Variants in PNKD observed in about 807,000 individuals in gnomAD.
PNKD encodes the protein probable thioesterase PNKD.
In PNKD, 36 loss-of-function variants were observed where a neutral mutation model predicts 45.3. The ratio of observed to expected loss-of-function variants is 0.80; its 90% CI spans 0.61 to 1.05. The LOEUF is 1.05. Ranked by LOEUF, PNKD falls within the 50% of genes least tolerant of loss-of-function variation. The pLI is 0.00. For missense variants in PNKD, 511 were observed against 506.6 expected (o/e 1.01, Z -0.08); for synonymous variants, 197 against 210.1 (o/e 0.94, Z 0.54).
chr2:218,272,282 C>G (rs774474743), intron 2 of PNKD, among the ~76,000 whole-genome samples: 8 of 152,196 alleles, frequency 5.3e-5, no homozygotes, highest in Non-Finnish European at 1.0e-4. Flanking sequence ...TGCTGAGGAT[C>G]AGGCTCTAGG....
At chr2:218,310,211 T>A (rs1693560542) in intron 2 of PNKD, among the ~76,000 whole-genome samples, 1 of 152,010 alleles carries the variant, frequency 6.6e-6, no homozygotes, top group Non-Finnish European at 1.5e-5. Flanking sequence ...CATGACAATG[T>A]TTTTTGTTTT....
intron 2 of PNKD, among the ~76,000 whole-genome samples, chr2:218,328,773 C>T (rs1266635753): frequency 6.6e-6 from 1 of 152,184 alleles, no homozygotes; most frequent in Non-Finnish European, 1.5e-5. Flanking sequence ...TGAAGCCTGC[C>T]CGGCCTCCTC....
Position 218,275,704 on chromosome 2 carries a change from G to A in PNKD, c.236+4155G>A, listed in dbSNP as rs1574623527. The stretch of plus-strand genomic sequence containing the variant: ...TTTGGTCAGCAGATTTGTCTTGGGG[G>A]CCTATGCGCCACACAGTGCTTAGGG... On this transcript the variant is annotated intron_variant, in intron 2 of 9. Coordinates refer to ENST00000273077, the MANE Select transcript of PNKD (RefSeq NM_015488.5). 12 of 1,509,174 alleles carry A rather than the reference G, an allele frequency of 8.0e-6. No homozygotes were observed. In the East Asian group the frequency reaches 2.7e-4, roughly 34 times the overall value. The allele number at this position is 1,509,174 out of a possible 1,614,324, so 93.5% of individuals were successfully genotyped here.
At chr2:218,315,971 G>T (rs1315194347) in intron 2 of PNKD, among the ~76,000 whole-genome samples, 1 of 152,240 alleles carries the variant, frequency 6.6e-6, no homozygotes, top group African/African-American at 2.4e-5. Flanking sequence ...CTTGGGCTCT[G>T]CTGGGCTGGG....
intron 2 of PNKD, chr2:218,272,816 A>G: frequency 6.2e-7 from 1 of 1,612,360 alleles, no homozygotes. Flanking sequence ...GGTTTGGCCC[A>G]GATTCCAGTT....
At position 218,340,507 on chromosome 2, in the gene PNKD, C is replaced by T. The variant is rs1420514958; in HGVS notation, c.466-221C>T. On this transcript the variant is annotated intron_variant, in intron 4 of 9. Coordinates refer to ENST00000273077, the MANE Select transcript of PNKD (RefSeq NM_015488.5). This position sits in a 1 kb window ranked among gnomAD's most constrained non-coding sequence, Gnocchi z 4.2. ...TCTGTCTTTCCCTCCCATTCCTTATCTCTCTGTGTCTGCCTCTCTCTATGT... is the reference window on the plus strand; with the variant it reads ...TCTGTCTTTCCCTCCCATTCCTTATTTCTCTGTGTCTGCCTCTCTCTATGT... Among the ~76,000 whole-genome samples, 1 of 152,004 alleles carries T rather than the reference C, an allele frequency of 6.6e-6. No individual in the cohort carries two copies. Among genetic ancestry groups the T allele is most frequent in the Non-Finnish European group, 1.5e-5 (1 of 67,982 alleles).
chr2:218,301,338 C>T (rs537100019), intron 2 of PNKD, among the ~76,000 whole-genome samples: 26 of 152,250 alleles, frequency 1.7e-4, no homozygotes, highest in African/African-American at 5.5e-4. Context: ...TGGCCAGATG[C>T]CTAGCCCAGG....
chr2:218,278,945 C>T, intron 2 of PNKD: 2 of 1,486,920 alleles, frequency 1.3e-6, no homozygotes, highest in East Asian at 4.6e-5. Flanking sequence ...TCTCAAAAAG[C>T]ATTTTGATCC....
intron 2 of PNKD, chr2:218,280,041 G>T (rs1691713853): frequency 6.2e-7 from 1 of 1,613,958 alleles, no homozygotes; most frequent in Non-Finnish European, 8.5e-7. Flanking sequence ...GGATAAAAGT[G>T]TGTCGCACTT....
chr2:218,304,317 T>C (rs1221956533), intron 2 of PNKD, among the ~76,000 whole-genome samples: 1 of 152,104 alleles, frequency 6.6e-6, no homozygotes, highest in East Asian at 1.9e-4. Flanking sequence ...TGATTTTTTG[T>C]ATTTTTAGTA....
intron 2 of PNKD, among the ~76,000 whole-genome samples, chr2:218,330,399 G>A (rs1694286108): frequency 6.6e-6 from 1 of 152,204 alleles, no homozygotes; most frequent in African/African-American, 2.4e-5. Context: ...GTGGCTCACT[G>A]TCCCCAGCTG....
At chr2:218,295,947 GC>G (rs1693131281) in intron 2 of PNKD, among the ~76,000 whole-genome samples, 1 of 150,172 alleles carries the variant, frequency 6.7e-6, no homozygotes, top group African/African-American at 2.5e-5. Flanking sequence ...CCAGGCTCAA[GC>G]CATCCTCCCA....
chr2:218,344,825 A>G lies in PNKD; in HGVS notation c.1002A>G (p.Gly334=). Residue 334 remains glycine (G), a synonymous_variant, in exon 10 of 10, where the codon GGA becomes GGG. Coordinates refer to ENST00000273077, the MANE Select transcript of PNKD (RefSeq NM_015488.5). ...ACCCACAGTGCCCATCTACCCTGGG[A>G]GAGGAGCGCTCCTACAACCCGTTCC... The part of the protein sequence containing the change: ...ERKGTCPSTL[G]EERSYNPFLR... 1 of 1,613,874 alleles carries G rather than the reference A, an allele frequency of 6.2e-7. No individual in the cohort carries two copies.
chr2:218,280,091 C>T (rs775320725), intron 2 of PNKD: 1 of 1,614,144 alleles, frequency 6.2e-7, no homozygotes. Context: ...CTATCACTCA[C>T]TGCTCTCTCC....
chr2:218,280,340 C>A, intron 2 of PNKD: 2 of 508,090 alleles, frequency 3.9e-6, no homozygotes, highest in South Asian at 2.0e-5. Context: ...ACGTTCCTCA[C>A]GTGCATCTGT....
At chr2:218,299,949 G>T (rs1484922832) in intron 2 of PNKD, among the ~76,000 whole-genome samples, 3 of 151,340 alleles carry the variant, frequency 2.0e-5, no homozygotes, top group Admixed American at 6.6e-5. Context: ...TAAAGATGGG[G>T]TCTCCATATG....
chr2:218,289,625 GAAA>G (rs10675061), intron 2 of PNKD, among the ~76,000 whole-genome samples: 1 of 87,768 alleles, frequency 1.1e-5, no homozygotes. Flanking sequence ...CTGGGCGACA[GAAA>G]AAAAAAAAAA....
intron 2 of PNKD, among the ~76,000 whole-genome samples, chr2:218,273,524 A>G (rs536282444): frequency 1.6e-4 from 22 of 134,086 alleles, no homozygotes; most frequent in Non-Finnish European, 2.9e-4. Context: ...CTTGTTGCCC[A>G]GGCTGGAGTA....
In PNKD at chr2:218,339,564, C is replaced by T. The variant is rs79151527; in HGVS notation, c.237-219C>T. Among the ~76,000 whole-genome samples the T allele has an allele frequency of 4.6e-3, 704 of 152,176 alleles. 10 individuals carry two copies. Among genetic ancestry groups the T allele is most frequent in the African/African-American group, 0.016 (659 of 41,530 alleles). The stretch of plus-strand genomic sequence containing the variant: ...TCTGTGAGTTCCTCAGTTCATGTCT[C>T]CCTGATAGATTTTGAGTTCTAGGTG... On this transcript the variant is annotated intron_variant, in intron 2 of 9. Transcript: ENST00000273077.
Sources: gnomAD v4.1 joint callset for allele counts (sites outside exome capture counted in the v4.1 genomes callset) on GRCh38, gnomAD v4.1.1 for gene constraint, Gnocchi (gnomAD v3.1) non-coding constraint, MANE v1.5 for transcripts, NCBI Gene and HGNC (gene_info 2026-07-23, HGNC 2026-07-21) for gene names.